Variants in ZNF638 observed in about 807,000 individuals in gnomAD.
ZNF638 encodes the protein zinc finger protein 638, also known as CTCL tumor antigen se33-1.
Under a neutral mutation model 195.6 loss-of-function variants are expected in ZNF638, and 46 were observed. That is an observed-to-expected ratio of 0.24 (90% CI 0.19 to 0.30). The LOEUF is 0.30. Ranked by LOEUF, ZNF638 falls within the 10% of genes least tolerant of loss-of-function variation. The pLI, the probability that ZNF638 is intolerant of heterozygous loss-of-function variation, is 1.00. For missense variants in ZNF638, 2,440 were observed against 2,325.3 expected, an observed-to-expected ratio of 1.05 and a Z score of -1.01; for synonymous variants, 845 against 772.0, an observed-to-expected ratio of 1.09 and a Z score of -1.57.
intron 10 of ZNF638, among the ~76,000 whole-genome samples, chr2:71,391,987 GTT>G (rs1194999740): frequency 6.6e-6 from 1 of 152,154 alleles, no homozygotes; most frequent in Non-Finnish European, 1.5e-5. Context: ...CCTAGAATGT[GTT>G]TTTTGCTCAC....
At chr2:71,408,516 T>C (rs2080149595) in intron 20 of ZNF638, 2 of 357,374 alleles carry the variant, frequency 5.6e-6, no homozygotes, top group African/African-American at 2.1e-5. Context: ...AGTGACTCTT[T>C]GTATGTAACA....
At chr2:71,355,861 A>G in intron 3 of ZNF638, 81 bp downstream of exon 3, 1 of 677,554 alleles carries the variant, frequency 1.5e-6, no homozygotes, top group Non-Finnish European at 2.3e-6. Context: ...AAATACCTTT[A>G]GTATAATACT....
intron 8 of ZNF638, among the ~76,000 whole-genome samples, chr2:71,373,118 ATT>A (rs2104315096): frequency 6.6e-6 from 1 of 152,346 alleles, no homozygotes; most frequent in Admixed American, 6.5e-5. Context: ...CTCCCTGGTA[ATT>A]TATGAGAGTA....
At chr2:71,422,685 C>T (rs775403714) in intron 21 of ZNF638, 129 bp from the exon 22 acceptor site, 15 of 912,560 alleles carry the variant, frequency 1.6e-5, no homozygotes, top group South Asian at 3.6e-5. Flanking sequence ...GTGCTTATTA[C>T]GAATGCATCA....
At chr2:71,368,285 AC>A in intron 6 of ZNF638, 96 bp from the exon 7 acceptor site, 1 of 1,137,292 alleles carries the variant, frequency 8.8e-7, no homozygotes, top group East Asian at 2.5e-5. Context: ...CCTTTAGTGT[AC>A]TAATATTAGT....
intron 26 of ZNF638, among the ~76,000 whole-genome samples, chr2:71,432,064 A>G (rs1209677571): frequency 3.3e-5 from 5 of 152,246 alleles, no homozygotes; most frequent in Non-Finnish European, 7.3e-5. Flanking sequence ...AATCTTTGCT[A>G]GCCGACTTTG....
rs75770114 is a variant in ZNF638, at chr2:71,371,757, C to A, written c.2265+1752C>A. On this transcript the variant is annotated intron_variant, in intron 8 of 27. Transcript: ENST00000264447. Reference sequence around the variant, plus strand: ...TTCCTTATATATTCTGGTTATTAATCCCTTGTCAGATTTTTTTCCTGTAAA... The same window carrying A: ...TTCCTTATATATTCTGGTTATTAATACCTTGTCAGATTTTTTTCCTGTAAA... Among the ~76,000 whole-genome samples, 748 of 151,280 alleles carry A rather than the reference C, an allele frequency of 4.9e-3. 12 individuals carry two copies. Among genetic ancestry groups the A allele is most frequent in the East Asian group, 0.045 (231 of 5,106 alleles).
chr2:71,405,518 G>T (rs2152578722), intron 17 of ZNF638, 83 bp from the exon 18 acceptor site: 2 of 835,140 alleles, frequency 2.4e-6, no homozygotes, highest in East Asian at 5.4e-5. Context: ...TGTATAGATT[G>T]TCATGTTATA....
At chr2:71,391,625 T>C (rs1015814176) in intron 10 of ZNF638, among the ~76,000 whole-genome samples, 3 of 152,236 alleles carry the variant, frequency 2.0e-5, no homozygotes, top group Non-Finnish European at 2.9e-5. Context: ...CTTAGGTACA[T>C]ACTAACTTCC....
intron 1 of ZNF638, among the ~76,000 whole-genome samples, chr2:71,346,174 C>T (rs2078847778): frequency 1.3e-5 from 2 of 152,136 alleles, no homozygotes; most frequent in African/African-American, 4.8e-5. Context: ...TTTGAAAGAG[C>T]TTGTGCTTAT....
chr2:71,387,833 T>C (rs1312943324), intron 10 of ZNF638, among the ~76,000 whole-genome samples: 1 of 152,212 alleles, frequency 6.6e-6, no homozygotes, highest in Non-Finnish European at 1.5e-5. Flanking sequence ...AATGTATTAA[T>C]GCATAAGTAT....
intron 1 of ZNF638, among the ~76,000 whole-genome samples, chr2:71,333,939 T>C (rs552793309): frequency 2.0e-5 from 3 of 152,356 alleles, no homozygotes; most frequent in Non-Finnish European, 4.4e-5. Context: ...TAGAAAATTA[T>C]AATCTGTGGG....
chr2:71,403,022 T>C (rs2080037329), intron 16 of ZNF638, among the ~76,000 whole-genome samples: 1 of 152,148 alleles, frequency 6.6e-6, no homozygotes, highest in African/African-American at 2.4e-5. Flanking sequence ...ACCCATTGCA[T>C]TGTGTACAGT....
chr2:71,408,882 A>C (rs575592365), intron 20 of ZNF638: 11 of 210,126 alleles, frequency 5.2e-5, no homozygotes, highest in Non-Finnish European at 1.1e-4. Context: ...AATCTAAATT[A>C]GAGTATCTTT....
Position 71,349,858 on chromosome 2 carries a change from C to G in ZNF638, c.904C>G (p.Gln302Glu). The G allele has an allele frequency of 6.2e-7, 1 of 1,614,200 alleles. No individual in the cohort carries two copies. Among genetic ancestry groups the G allele is most frequent in the Non-Finnish European group, 8.5e-7 (1 of 1,180,040 alleles). Residue 302 changes from glutamine to glutamate, a missense_variant, in exon 2 of 28, where the codon CAG becomes GAG. By Grantham distance (29) the Gln-to-Glu change is conservative. Transcript: ENST00000264447. ...GTCAGGCTTACACATTTCAGGAGGA[C>G]AGTCAGTCCTTGAACCCATAAAATC... ...KMSGLHISGG[Q>E]SVLEPIKSVN...
intron 1 of ZNF638, chr2:71,333,161 T>A (rs2078603472): frequency 1.3e-5 from 2 of 152,236 alleles, no homozygotes; most frequent in Non-Finnish European, 2.9e-5. Flanking sequence ...ATTAGACATT[T>A]GAGACTTAGT....
chr2:71,410,348 CTTTAT>C (rs960737254), intron 20 of ZNF638, among the ~76,000 whole-genome samples: 5 of 151,304 alleles, frequency 3.3e-5, no homozygotes, highest in African/African-American at 1.2e-4. Context: ...GCCCGGCTAA[CTTTAT>C]TTTATTTGAT....
chr2:71,333,489 T>C (rs2104049367), intron 1 of ZNF638, among the ~76,000 whole-genome samples: 1 of 152,354 alleles, frequency 6.6e-6, no homozygotes, highest in Admixed American at 6.5e-5. Context: ...TTGGAGGGTG[T>C]ATACGGCAGG....
intron 27 of ZNF638, 31 bp from the exon 28 acceptor site, chr2:71,434,711 A>G: frequency 6.3e-7 from 1 of 1,581,624 alleles, no homozygotes; most frequent in East Asian, 2.2e-5. Flanking sequence ...ACGTCTAATA[A>G]GTATTTTATA....
Sources: allele counts gnomAD v4.1 joint callset (sites outside exome capture counted in the v4.1 genomes callset), GRCh38; gene constraint gnomAD v4.1.1; transcripts MANE v1.5; gene names NCBI Gene and HGNC (gene_info 2026-07-23, HGNC 2026-07-21).